The following MTMR3 variants were observed in gnomAD, a reference collection of about 807,000 sequenced individuals.
The protein encoded by MTMR3 is phosphatidylinositol-3,5-bisphosphate 3-phosphatase MTMR3.
A neutral mutation model predicts 132.4 loss-of-function variants in MTMR3; 32 were observed. The observed-to-expected ratio is 0.24, with a 90% CI of 0.18 to 0.32. The LOEUF (loss-of-function observed/expected upper bound fraction) is 0.32. Ranked by LOEUF, MTMR3 falls within the 10% of genes least tolerant of loss-of-function variation. MTMR3 has a pLI of 1.00. For synonymous variants in MTMR3, 556 were observed against 550.3 expected (o/e 1.01, Z -0.14); for missense variants, 1,216 against 1,489.6 (o/e 0.82, Z 3.02).
At chr22:29,966,252 T>C (rs76850953) in intron 2 of MTMR3, among the ~76,000 whole-genome samples, 2,836 of 152,244 alleles carry the variant, frequency 0.019, 86 homozygotes, top group African/African-American at 0.064. Flanking sequence ...CACAGTAACA[T>C]TGTCAATTAT....
intron 1 of MTMR3, among the ~76,000 whole-genome samples, chr22:29,956,199 G>C (rs1302669005): frequency 6.6e-6 from 1 of 152,176 alleles, no homozygotes; most frequent in African/African-American, 2.4e-5. Context: ...TAGATGTTTT[G>C]TCTCTGTAAA....
chr22:29,963,092 T>G (rs2066344718), intron 2 of MTMR3, among the ~76,000 whole-genome samples: 1 of 151,922 alleles, frequency 6.6e-6, no homozygotes, highest in Admixed American at 6.6e-5. Context: ...AGCTAGTTTT[T>G]GTATTTTTTA....
At chr22:29,981,238 TAAATG>T (rs2066737056) in intron 5 of MTMR3, 1 of 152,346 alleles carries the variant, frequency 6.6e-6, no homozygotes, top group South Asian at 2.1e-4. Context: ...CAGTAAATAT[TAAATG>T]AATTGAAGTT....
In MTMR3 at chr22:30,012,372, C is replaced by T. The variant is rs774586957; in HGVS notation, c.1126C>T (p.Leu376=). Residue 376 remains leucine (L), a synonymous_variant, in exon 13 of 20, where the codon CTA becomes TTA. Coordinates refer to ENST00000401950, the MANE Select transcript of MTMR3 (RefSeq NM_021090.4). ...CTQMPDPGNW[L]SALESTKWLH... ...AATCCTCTCCTGTTTTTATAGTTGG[C>T]TATCAGCTCTTGAAAGCACAAAATG... The T allele has an allele frequency of 1.9e-6, 3 of 1,612,360 alleles. No individual in the cohort carries two copies. The highest frequency in any genetic ancestry group is 2.5e-6 in the Non-Finnish European group (3 of 1,179,396).
chr22:30,022,222 C>T, intron 18 of MTMR3, 83 bp downstream of exon 18: 1 of 1,136,490 alleles, frequency 8.8e-7, no homozygotes, highest in Non-Finnish European at 1.3e-6. Flanking sequence ...CCCCATACCC[C>T]TGGCCAAGGA....
intron 7 of MTMR3, chr22:29,992,455 C>T (rs2066982667): frequency 6.6e-6 from 1 of 152,066 alleles, no homozygotes; most frequent in South Asian, 2.1e-4. Context: ...GGCTTCCTGA[C>T]TCCTCTATAG....
chr22:29,894,263 G>A (rs1216742250), intron 1 of MTMR3, among the ~76,000 whole-genome samples: 1 of 152,130 alleles, frequency 6.6e-6, no homozygotes, highest in Admixed American at 6.5e-5. Flanking sequence ...GAGTGGCAGC[G>A]GTAGGAAGTA....
In MTMR3 at chr22:29,921,539, T is replaced by A. The variant is rs184808235; in HGVS notation, c.-137-35497T>A. 1.1e-3 allele frequency among the ~76,000 whole-genome samples: 167 copies of A among 152,344 alleles called. 1 individual carries two copies. The highest frequency in any genetic ancestry group is 3.1e-3 in the South Asian group (15 of 4,826). On this transcript the variant is annotated intron_variant, in intron 1 of 19. Transcript: ENST00000401950. ...TTGATTTATTTTCTGAAATTCCTAT[T>A]TTACTGTGTCTTTTTGAATTGTACA...
intron 2 of MTMR3, among the ~76,000 whole-genome samples, chr22:29,960,259 G>C (rs1278836357): frequency 6.6e-6 from 1 of 152,142 alleles, no homozygotes; most frequent in African/African-American, 2.4e-5. Flanking sequence ...TGCTGTGAAG[G>C]ATAAAGGATA....
chr22:30,022,204 C>T, intron 18 of MTMR3, 65 bp downstream of exon 18: 2 of 1,298,788 alleles, frequency 1.5e-6, no homozygotes, highest in Non-Finnish European at 2.2e-6. Context: ...TCTCCACCCC[C>T]ATTCCCACCC....
At chr22:30,016,254 TTG>T in intron 14 of MTMR3, 1 of 382,434 alleles carries the variant, frequency 2.6e-6, no homozygotes. Context: ...GCTGTGGCGC[TTG>T]TGAGAGTGGC....
chr22:30,010,718 C>T (rs1366921738), intron 12 of MTMR3: 1 of 152,178 alleles, frequency 6.6e-6, no homozygotes, highest in Non-Finnish European at 1.5e-5. Flanking sequence ...TCTTGTTTAC[C>T]ATTTCTTCAG....
intron 3 of MTMR3, among the ~76,000 whole-genome samples, chr22:29,972,041 G>A (rs1225282754): frequency 6.6e-6 from 1 of 152,168 alleles, no homozygotes; most frequent in Non-Finnish European, 1.5e-5. Context: ...ATATTAAAAG[G>A]AAGAGAAAGG....
At position 30,018,100 on chromosome 22, in the gene MTMR3, G is replaced by C. The variant is rs574347033; in HGVS notation, c.1820+28G>C. On this transcript the variant is annotated intron_variant, in intron 16 of 19. Coordinates refer to ENST00000401950, the MANE Select transcript of MTMR3 (RefSeq NM_021090.4). ...GAGCCCAGGGTGATGCCACAGGCCT[G>C]ACAGCCTGTGTGGGTGTATTCCTGT... 6.1e-5 allele frequency: 96 copies of C among 1,574,154 alleles called. No individual in the cohort carries two copies. The South Asian group carries it at 7.4e-4, about 12-fold the overall frequency.
chr22:29,886,855 C>G (rs556125240), intron 1 of MTMR3, among the ~76,000 whole-genome samples: 2 of 152,258 alleles, frequency 1.3e-5, no homozygotes, highest in East Asian at 1.9e-4. Flanking sequence ...AGTGTGAAGT[C>G]ATGAGACTTG....
chr22:29,978,268 C>T (rs2066669309), intron 3 of MTMR3, 174 bp from the exon 4 acceptor site: 5 of 458,294 alleles, frequency 1.1e-5, no homozygotes, highest in East Asian at 1.0e-4. Flanking sequence ...CTAGATGTAA[C>T]TAATGTATTG....
chr22:29,990,915 A>G (rs2145908553), intron 6 of MTMR3: 1 of 152,364 alleles, frequency 6.6e-6, no homozygotes, highest in Non-Finnish European at 1.5e-5. Context: ...AGTTTTCACT[A>G]ATTATTTTAA....
intron 1 of MTMR3, among the ~76,000 whole-genome samples, chr22:29,938,669 CAT>C (rs1253208491): frequency 6.6e-6 from 1 of 152,088 alleles, no homozygotes; most frequent in Non-Finnish European, 1.5e-5. Flanking sequence ...GATGTGGAAC[CAT>C]ATAGAGATAA....
At chr22:29,929,590 A>T (rs909404689) in intron 1 of MTMR3, among the ~76,000 whole-genome samples, 1 of 150,732 alleles carries the variant, frequency 6.6e-6, no homozygotes, top group Non-Finnish European at 1.5e-5. Flanking sequence ...GCTCACTGCA[A>T]CCTCCGCCTC....
Sources: gnomAD v4.1 joint callset for allele counts (sites outside exome capture counted in the v4.1 genomes callset) on GRCh38, gnomAD v4.1.1 for gene constraint, MANE v1.5 for transcripts, NCBI Gene and HGNC (gene_info 2026-07-23, HGNC 2026-07-21) for gene names.